ZNF793: variants seen among roughly 807,000 people sequenced by gnomAD.
ZNF793 encodes zinc finger protein 793.
A neutral mutation model predicts 12.4 loss-of-function variants in ZNF793; 5 were observed. That is an observed-to-expected ratio of 0.40 (90% confidence interval 0.21 to 0.84). ZNF793 has a LOEUF of 0.84. Among genes scored for constraint, ZNF793 ranks in the 40% least tolerant of loss-of-function variants. The pLI is 0.35. For missense variants in ZNF793, 456 were observed against 495.0 expected (o/e 0.92, Z 0.75); for synonymous variants, 162 against 172.4 (o/e 0.94, Z 0.47).
rs2042561393 is a variant in ZNF793 at position 37,542,984 on chromosome 19, A to G, written c.*5105A>G. The G allele has an allele frequency of 6.6e-6, 1 of 152,222 alleles. No homozygotes were observed. Among genetic ancestry groups the G allele is most frequent in the East Asian group, 1.9e-4 (1 of 5,198 alleles). 9.4% of individuals were successfully genotyped at this position (152,222 alleles called of 1,614,324 possible). On this transcript the variant is annotated 3_prime_UTR_variant, in exon 8 of 8. Coordinates refer to ENST00000627814, the MANE Select transcript of ZNF793 (RefSeq NM_001013659.3). ...TACATAAATGACTGAATCACGGGTG[A>G]TACCACAAATGTGTGAGTTAGTAAA...
At chr19:37,522,947 A>G (rs1028660440) in intron 4 of ZNF793, among the ~76,000 whole-genome samples, 2 of 152,240 alleles carry the variant, frequency 1.3e-5, no homozygotes, top group African/African-American at 4.8e-5. Context: ...TTTATGGTCT[A>G]TGCTTTATGA....
chr19:37,507,943 C>T (rs899997339), intron 1 of ZNF793, among the ~76,000 whole-genome samples: 3 of 152,070 alleles, frequency 2.0e-5, no homozygotes, highest in African/African-American at 7.2e-5. Context: ...GATTAGGAGA[C>T]TTATAGGGGT....
intron 1 of ZNF793, 160 bp downstream of exon 1, chr19:37,507,126 G>A (rs1280426749): frequency 6.6e-6 from 1 of 152,506 alleles, no homozygotes; most frequent in Non-Finnish European, 1.5e-5. Flanking sequence ...GCCCGTGAGG[G>A]TCAATGACAA....
chr19:37,518,821 G>C (rs2042353841), intron 2 of ZNF793, among the ~76,000 whole-genome samples: 2 of 150,778 alleles, frequency 1.3e-5, no homozygotes, highest in South Asian at 4.2e-4. Context: ...ATTATTGTTG[G>C]GACATTTTGA....
rs2042512550 is a variant in ZNF793, at chr19:37,537,174, G to A, written c.516G>A (p.Leu172=). 1.2e-6 allele frequency: 2 copies of A among 1,613,472 alleles called. No homozygotes were observed. Among genetic ancestry groups the A allele is most frequent in the Non-Finnish European group, 1.7e-6 (2 of 1,179,680 alleles). ...ATGAGTGTTATGCTTATGGGAAATT[G>A]CTTCAGCGTATAAATCATGGTAGAC... ...KQDECYAYGK[L]LQRINHGRRP... Residue 172 remains leucine, a synonymous_variant, in exon 8 of 8, where the codon TTG becomes TTA. Transcript: ENST00000627814.
In ZNF793 at chr19:37,541,317, T is replaced by C. The variant is rs923950845; in HGVS notation, c.*3438T>C. 4.6e-5 allele frequency: 7 copies of C among 152,220 alleles called. No homozygotes were observed. The highest frequency in any genetic ancestry group is 1.4e-4 in the African/African-American group (6 of 41,452). 9.4% of individuals were successfully genotyped at this position (152,220 alleles called of 1,614,324 possible). A position where few individuals can be genotyped will look rare whatever the true frequency, so the allele number is the denominator to read the frequency against. ...CTTAAAAGAAAATCAAAGGAGCCTATGTGTACAATCTAGGAGTTGGGAGAT... is the reference window on the plus strand; with the variant it reads ...CTTAAAAGAAAATCAAAGGAGCCTACGTGTACAATCTAGGAGTTGGGAGAT... On this transcript the variant is annotated 3_prime_UTR_variant, in exon 8 of 8. Transcript: ENST00000627814.
intron 1 of ZNF793, among the ~76,000 whole-genome samples, chr19:37,507,536 G>A (rs1488373254): frequency 6.6e-6 from 1 of 152,186 alleles, no homozygotes; most frequent in Non-Finnish European, 1.5e-5. Flanking sequence ...TTGGGCCATC[G>A]GTGATTGAGA....
rs1042179610 is a variant in ZNF793, at chr19:37,532,284, A to T, written c.16-72A>T. On this transcript the variant is annotated intron_variant, in intron 5 of 7. Transcript: ENST00000627814. ...CTCCCAAAGTGCTGGGATTATAGGC[A>T]TGAGCCACCATGCCTGGCCCTGCAC... The T allele has an allele frequency of 4.5e-6, 7 of 1,542,686 alleles. No individual in the cohort carries two copies. The African/African-American group carries it at 9.6e-5, about 21-fold the overall frequency.
chr19:37,533,231 C>T (rs1037347330), intron 6 of ZNF793, 77 bp from the exon 7 acceptor site: 27 of 1,215,274 alleles, frequency 2.2e-5, no homozygotes, highest in African/African-American at 4.5e-5. Context: ...ATCTATTGTG[C>T]AGCCTTTAAA....
chr19:37,532,549 A>T (rs1313882098), intron 6 of ZNF793, 67 bp downstream of exon 6: 4 of 1,492,346 alleles, frequency 2.7e-6, no homozygotes, highest in Non-Finnish European at 3.6e-6. Flanking sequence ...CTCAGTTGCT[A>T]AAAGCAACTG....
In ZNF793 at chr19:37,540,835, T is replaced by C. The variant is rs2042547385; in HGVS notation, c.*2956T>C. The stretch of plus-strand genomic sequence containing the variant: ...TACTGACAAGAAAACATAATTTATA[T>C]GTACTTCTTTTGGAATTACACTAAA... On this transcript the variant is annotated 3_prime_UTR_variant, in exon 8 of 8. Coordinates refer to ENST00000627814, the MANE Select transcript of ZNF793 (RefSeq NM_001013659.3). 4 of 152,136 alleles carry C rather than the reference T, an allele frequency of 2.6e-5. No individual in the cohort carries two copies. The highest frequency in any genetic ancestry group is 4.4e-5 in the Non-Finnish European group (3 of 68,016). The allele number at this position is 152,136 out of a possible 1,614,324, so 9.4% of individuals were successfully genotyped here.
chr19:37,517,456 CAAA>C (rs35675130), intron 2 of ZNF793, among the ~76,000 whole-genome samples: 1,421 of 109,732 alleles, frequency 0.013, 16 homozygotes, highest in African/African-American at 0.04. Flanking sequence ...AACTCTGTCT[CAAA>C]AAAAAAAAAA....
chr19:37,514,792 A>G (rs2042318767), intron 2 of ZNF793, among the ~76,000 whole-genome samples: 3 of 152,216 alleles, frequency 2.0e-5, no homozygotes, highest in Non-Finnish European at 1.5e-5. Flanking sequence ...ATAATGCATT[A>G]TGACTGAGAA....
chr19:37,509,301 A>C (rs2147051538), intron 2 of ZNF793, among the ~76,000 whole-genome samples: 1 of 152,314 alleles, frequency 6.6e-6, no homozygotes, highest in South Asian at 2.1e-4. Flanking sequence ...ATGTGTACAC[A>C]TTATTATCTT....
rs75014371 is a variant in ZNF793 at position 37,510,461 on chromosome 19, G to A, written c.-276+2058G>A. Among the ~76,000 whole-genome samples the A allele has an allele frequency of 2.3e-4, 34 of 149,658 alleles. No homozygotes were observed. In the East Asian group the frequency reaches 6.1e-3, roughly 27 times the overall value. On this transcript the variant is annotated intron_variant, in intron 2 of 7. Transcript: ENST00000627814. ...ACCCAGGAGGCAGAGGTTACAGTGAGCCGAGATTGCACCACTGCATTCCAG... is the reference window on the plus strand; with the variant it reads ...ACCCAGGAGGCAGAGGTTACAGTGAACCGAGATTGCACCACTGCATTCCAG...
intron 2 of ZNF793, among the ~76,000 whole-genome samples, chr19:37,512,371 C>T (rs1465143365): frequency 6.6e-6 from 1 of 151,840 alleles, no homozygotes; most frequent in Non-Finnish European, 1.5e-5. Flanking sequence ...AAAAATTAGC[C>T]AGGGGTGGTG....
At chr19:37,531,644 C>T (rs1318454580) in intron 5 of ZNF793, among the ~76,000 whole-genome samples, 4 of 152,204 alleles carry the variant, frequency 2.6e-5, no homozygotes, top group Admixed American at 1.3e-4. Context: ...TATCCCTGGG[C>T]TCTGAAGCCT....
intron 6 of ZNF793, 135 bp downstream of exon 6, chr19:37,532,617 C>A: frequency 1.1e-6 from 1 of 933,660 alleles, no homozygotes; most frequent in Non-Finnish European, 1.5e-6. Context: ...TTGAAACCTG[C>A]CTGGCCAGCA....
chr19:37,531,862 A>G (rs2042463764), intron 5 of ZNF793, among the ~76,000 whole-genome samples: 1 of 152,156 alleles, frequency 6.6e-6, no homozygotes, highest in African/African-American at 2.4e-5. Flanking sequence ...TTGTTGACTC[A>G]AAGTATGGAT....
Sources: gnomAD v4.1 joint callset for allele counts (sites outside exome capture counted in the v4.1 genomes callset) on GRCh38, gnomAD v4.1.1 for gene constraint, MANE v1.5 for transcripts, NCBI Gene and HGNC (gene_info 2026-07-23, HGNC 2026-07-21) for gene names.